Variants in HMGN3 observed in about 807,000 individuals in gnomAD.
HMGN3 encodes high mobility group nucleosome-binding domain-containing protein 3.
In HMGN3, 6 loss-of-function variants were observed where a neutral mutation model predicts 18.8. The observed-to-expected ratio is 0.32, with a 90% CI of 0.18 to 0.63. HMGN3 has a LOEUF of 0.63. Among genes scored for constraint, HMGN3 ranks in the 30% least tolerant of loss-of-function variants. The probability of loss-of-function intolerance (pLI) is 0.79; values close to 1 mark genes in which losing one functional copy is unlikely to be tolerated. For synonymous variants in HMGN3, 40 were observed against 36.5 expected (o/e 1.10, Z -0.35); for missense variants, 107 against 114.2 (o/e 0.94, Z 0.29).
intron 2 of HMGN3, among the ~76,000 whole-genome samples, chr6:79,213,806 G>A (rs1159501582): frequency 6.6e-6 from 1 of 152,184 alleles, no homozygotes. Context: ...AAACTCCTCT[G>A]AATTATTAAC....
intron 1 of HMGN3, among the ~76,000 whole-genome samples, chr6:79,218,303 C>T (rs891020079): frequency 6.6e-6 from 1 of 151,128 alleles, no homozygotes; most frequent in African/African-American, 2.5e-5. Context: ...AACACTTATA[C>T]AACAATATGA....
At chr6:79,206,670 G>A (rs887123260) in intron 3 of HMGN3, among the ~76,000 whole-genome samples, 1 of 152,242 alleles carries the variant, frequency 6.6e-6, no homozygotes, top group African/African-American at 2.4e-5. Context: ...CCCTCACACA[G>A]AGTCCCTACT....
chr6:79,206,746 C>T (rs954419046), intron 3 of HMGN3, among the ~76,000 whole-genome samples: 1 of 152,186 alleles, frequency 6.6e-6, no homozygotes, highest in East Asian at 1.9e-4. Context: ...ATGGTAGATT[C>T]ACTGTCAGTT....
At chr6:79,230,145 G>C (rs2127841950) in intron 1 of HMGN3, among the ~76,000 whole-genome samples, 1 of 152,214 alleles carries the variant, frequency 6.6e-6, no homozygotes, top group South Asian at 2.1e-4. Flanking sequence ...AACACAAACT[G>C]ATCTCAAAAA....
chr6:79,217,811 G>A (rs66869917), intron 1 of HMGN3, among the ~76,000 whole-genome samples: 7,323 of 152,310 alleles, frequency 0.048, 203 homozygotes, highest in South Asian at 0.1. Flanking sequence ...AAGGGATTGC[G>A]AAGAATAAAA....
chr6:79,209,262 T>C (rs1776567531), intron 2 of HMGN3, among the ~76,000 whole-genome samples: 1 of 152,224 alleles, frequency 6.6e-6, no homozygotes, highest in African/African-American at 2.4e-5. Flanking sequence ...AATCTTTTTT[T>C]CTTCAAGGAT....
chr6:79,229,525 A>T (rs543054198), intron 1 of HMGN3, among the ~76,000 whole-genome samples: 2 of 152,338 alleles, frequency 1.3e-5, no homozygotes, highest in Admixed American at 1.3e-4. Flanking sequence ...AGTATGAACA[A>T]GTATGTTGAA....
chr6:79,213,109 C>A (rs1189574131), intron 2 of HMGN3, among the ~76,000 whole-genome samples: 1 of 151,752 alleles, frequency 6.6e-6, no homozygotes, highest in East Asian at 1.9e-4. Flanking sequence ...GGTGTGCTAG[C>A]ATGCACCTAC....
At chr6:79,201,900 A>C (rs1268067392) in intron 5 of HMGN3, 163 bp downstream of exon 6, 2 of 984,938 alleles carry the variant, frequency 2.0e-6, no homozygotes, top group Non-Finnish European at 2.4e-6. Flanking sequence ...GGAATATATT[A>C]CACAAACACT....
At position 79,234,652 on chromosome 6, in the gene HMGN3, C is replaced by G. The variant is rs1338515259; in HGVS notation, c.-92G>C. On this transcript the variant is annotated 5_prime_UTR_variant, in exon 1 of 6. Transcript: ENST00000344726. ...CTGCCTCTGCCTCTGCAGCTGCTCA[C>G]GCGCAGGGCACGACGTAGCCCGGCC... 6 of 1,301,762 alleles carry G rather than the reference C, an allele frequency of 4.6e-6. No individual in the cohort carries two copies. The African/African-American group carries it at 7.3e-5, about 16-fold the overall frequency. The allele number at this position is 1,301,762 out of a possible 1,614,324, so 80.6% of individuals were successfully genotyped here.
intron 1 of HMGN3, among the ~76,000 whole-genome samples, chr6:79,231,659 T>C (rs969685753): frequency 6.6e-6 from 1 of 152,170 alleles, no homozygotes; most frequent in Admixed American, 6.5e-5. Flanking sequence ...AACTGAGGCC[T>C]GGTCATGTTA....
At chr6:79,233,140 T>C (rs1319047124) in intron 1 of HMGN3, among the ~76,000 whole-genome samples, 1 of 152,158 alleles carries the variant, frequency 6.6e-6, no homozygotes, top group Non-Finnish European at 1.5e-5. Context: ...CTAGTAGTTA[T>C]TGGTTGGTGA....
chr6:79,214,028 G>A (rs372342358), intron 2 of HMGN3, among the ~76,000 whole-genome samples: 1 of 152,038 alleles, frequency 6.6e-6, no homozygotes, highest in Non-Finnish European at 1.5e-5. Flanking sequence ...AATAACTGTG[G>A]ATGGTCAAAT....
intron 4 of HMGN3, 30 bp from the exon 5 acceptor site, chr6:79,202,419 G>C (rs1320309830): frequency 1.3e-6 from 2 of 1,538,982 alleles, no homozygotes; most frequent in Non-Finnish European, 1.8e-6. Flanking sequence ...CAGTGAAAGA[G>C]AATGTTAGAC....
intron 1 of HMGN3, among the ~76,000 whole-genome samples, chr6:79,232,595 ATTTTAGTTT>A (rs1467557556): frequency 1.3e-5 from 2 of 150,188 alleles, no homozygotes; most frequent in African/African-American, 4.9e-5. Flanking sequence ...TTTTACTGTT[ATTTTAGTTT>A]TTTTTTTTTT....
intron 1 of HMGN3, among the ~76,000 whole-genome samples, chr6:79,224,541 T>A (rs1333286960): frequency 6.6e-6 from 1 of 152,238 alleles, no homozygotes; most frequent in Non-Finnish European, 1.5e-5. Context: ...ACGGATCTGG[T>A]TGTTTTTATC....
At chr6:79,202,640 A>G (rs554121318) in intron 4 of HMGN3, among the ~76,000 whole-genome samples, 18 of 152,286 alleles carry the variant, frequency 1.2e-4, no homozygotes, top group Non-Finnish European at 1.8e-4. Context: ...GGAAAACACA[A>G]TGATTCCTCT....
At chr6:79,225,697 A>G (rs983571903) in intron 1 of HMGN3, among the ~76,000 whole-genome samples, 2 of 152,354 alleles carry the variant, frequency 1.3e-5, no homozygotes, top group South Asian at 2.1e-4. Context: ...GAAAATTATA[A>G]AGAGTCAGAC....
chr6:79,219,505 GA>G (rs1020462625), intron 1 of HMGN3, among the ~76,000 whole-genome samples: 4 of 151,878 alleles, frequency 2.6e-5, no homozygotes, highest in Non-Finnish European at 4.4e-5. Context: ...AACTATGTAA[GA>G]AAAAAATGTA....
Sources: gnomAD v4.1 joint callset for allele counts (sites outside exome capture counted in the v4.1 genomes callset) on GRCh38, gnomAD v4.1.1 for gene constraint, MANE v1.5 for transcripts, NCBI Gene and HGNC (gene_info 2026-07-23, HGNC 2026-07-21) for gene names.